Variants in MARCHF1 observed in about 807,000 individuals in gnomAD.
The protein encoded by MARCHF1 is membrane associated ring-CH-type finger 1, also known as E3 ubiquitin-protein ligase MARCHF1.
MARCHF1 carries 40 observed loss-of-function variants against 54.2 expected under a neutral mutation model. The ratio of observed to expected loss-of-function variants is 0.74; its 90% CI spans 0.57 to 0.96. The LOEUF (loss-of-function observed/expected upper bound fraction) is 0.96, where lower values mean the gene tolerates loss of function less well. Among genes scored for constraint, MARCHF1 ranks in the 40% least tolerant of loss-of-function variants. The pLI, the probability that MARCHF1 is intolerant of heterozygous loss-of-function variation, is 0.00. For synonymous variants in MARCHF1, 236 were observed against 236.3 expected, an observed-to-expected ratio of 1.00 and a Z score of 0.01; for missense variants, 586 against 656.5, an observed-to-expected ratio of 0.89 and a Z score of 1.17.
chr4:164,226,916 C>A (rs1256562357), intron 1 of MARCHF1, among the ~76,000 whole-genome samples: 1 of 151,978 alleles, frequency 6.6e-6, no homozygotes, highest in Non-Finnish European at 1.5e-5. Context: ...AATACCATGT[C>A]CCCCAATTAT....
chr4:164,197,110 C>T (rs779047424), intron 1 of MARCHF1: 2 of 1,606,368 alleles, frequency 1.2e-6, no homozygotes, highest in African/African-American at 2.7e-5. Flanking sequence ...CTCGTCCCCT[C>T]CACTCACGTC....
At chr4:163,662,453 C>G (rs910874764) in intron 5 of MARCHF1, among the ~76,000 whole-genome samples, 1 of 151,608 alleles carries the variant, frequency 6.6e-6, no homozygotes, top group Non-Finnish European at 1.5e-5. Context: ...CCTTTTTTCC[C>G]CCAAACTTCC....
At chr4:163,781,258 G>A (rs1747458994) in intron 4 of MARCHF1, among the ~76,000 whole-genome samples, 1 of 152,158 alleles carries the variant, frequency 6.6e-6, no homozygotes, top group Admixed American at 6.5e-5. Flanking sequence ...GGCTGAGGCA[G>A]GAGAATTGCT....
chr4:164,093,370 G>A (rs1343747845), intron 2 of MARCHF1, among the ~76,000 whole-genome samples: 1 of 152,052 alleles, frequency 6.6e-6, no homozygotes, highest in Non-Finnish European at 1.5e-5. Context: ...TTTATCATAC[G>A]AAGTAGAAAT....
intron 1 of MARCHF1, among the ~76,000 whole-genome samples, chr4:164,230,591 A>G (rs1224611290): frequency 2.0e-5 from 3 of 152,000 alleles, no homozygotes; most frequent in East Asian, 1.9e-4. Flanking sequence ...AATTATTATT[A>G]CCTATAATCT....
At chr4:164,057,921 A>G (rs559603155) in intron 2 of MARCHF1, among the ~76,000 whole-genome samples, 1 of 152,264 alleles carries the variant, frequency 6.6e-6, no homozygotes, top group East Asian at 1.9e-4. Flanking sequence ...GCACATATAC[A>G]CCATGGAATA....
At chr4:163,959,611 T>G (rs1484466282) in intron 3 of MARCHF1, among the ~76,000 whole-genome samples, 1 of 151,968 alleles carries the variant, frequency 6.6e-6, no homozygotes, top group African/African-American at 2.4e-5. Context: ...TGAGTAGCCA[T>G]GCACAGAAGA....
At chr4:163,606,795 T>C (rs1741158757) in intron 7 of MARCHF1, among the ~76,000 whole-genome samples, 1 of 152,062 alleles carries the variant, frequency 6.6e-6, no homozygotes, top group Admixed American at 6.6e-5. Context: ...GGGTTGCCGA[T>C]GGCTACATTT....
chr4:164,185,308 TG>T (rs1730938057), intron 1 of MARCHF1, among the ~76,000 whole-genome samples: 1 of 152,238 alleles, frequency 6.6e-6, no homozygotes, highest in Non-Finnish European at 1.5e-5. Context: ...ATAAGGCATC[TG>T]AGTGAATGGT....
intron 4 of MARCHF1, among the ~76,000 whole-genome samples, chr4:163,769,240 A>C (rs533406695): frequency 4.6e-5 from 7 of 152,286 alleles, no homozygotes; most frequent in African/African-American, 1.7e-4. Flanking sequence ...GAAATAATTT[A>C]CCAAACAGGG....
intron 3 of MARCHF1, among the ~76,000 whole-genome samples, chr4:163,975,964 T>G (rs980759070): frequency 6.6e-6 from 1 of 152,124 alleles, no homozygotes; most frequent in African/African-American, 2.4e-5. Context: ...TTGCCACCAG[T>G]TTGAGCACAA....
At chr4:163,993,842 G>A (rs919951092) in intron 2 of MARCHF1, among the ~76,000 whole-genome samples, 19 of 151,932 alleles carry the variant, frequency 1.3e-4, no homozygotes, top group African/African-American at 3.9e-4. Flanking sequence ...AGGTACAGGG[G>A]TATTAATAAT....
chr4:163,972,208 A>G (rs1004577612), intron 3 of MARCHF1, among the ~76,000 whole-genome samples: 3 of 151,952 alleles, frequency 2.0e-5, no homozygotes, highest in African/African-American at 7.2e-5. Context: ...GGGGGTGGGG[A>G]GCTAGGGGAG....
chr4:163,844,784 G>A (rs1158123731), intron 4 of MARCHF1, among the ~76,000 whole-genome samples: 1 of 152,080 alleles, frequency 6.6e-6, no homozygotes, highest in Non-Finnish European at 1.5e-5. Context: ...GTACAATGCC[G>A]AATACTAAAC....
chr4:164,220,407 TTA>T (rs765217805), intron 1 of MARCHF1, among the ~76,000 whole-genome samples: 2 of 146,882 alleles, frequency 1.4e-5, no homozygotes, highest in South Asian at 4.2e-4. Flanking sequence ...GAATTCCATT[TTA>T]TATATATATG....
At chr4:163,891,905 T>G (rs1264753328) in intron 3 of MARCHF1, among the ~76,000 whole-genome samples, 1 of 152,184 alleles carries the variant, frequency 6.6e-6, no homozygotes, top group African/African-American at 2.4e-5. Context: ...TGCTACAAGA[T>G]TATGTCTTGC....
At chr4:164,052,133 A>C (rs1458026450) in intron 2 of MARCHF1, among the ~76,000 whole-genome samples, 1 of 79,424 alleles carries the variant, frequency 1.3e-5, no homozygotes, top group Non-Finnish European at 3.4e-5. Flanking sequence ...CATCTTTTGG[A>C]AGTTTTTTTT....
rs151017415 is a variant in MARCHF1, at chr4:163,984,393, T to C, written c.-39+4108A>G. ...GTGGTCAGCTTGAGAGTGAGAAGGA[T>C]CAGAAGCAAATAACTCATGTTTTGT... On this transcript the variant is annotated intron_variant, in intron 3 of 9. Coordinates refer to ENST00000514618, the MANE Select transcript of MARCHF1 (RefSeq NM_001394959.1). Among the ~76,000 whole-genome samples the C allele has an allele frequency of 9.2e-4, 140 of 152,288 alleles. 1 individual carries two copies. In the East Asian group the frequency reaches 0.027, roughly 29 times the overall value.
intron 4 of MARCHF1, among the ~76,000 whole-genome samples, chr4:163,799,873 A>T (rs750083844): frequency 2.0e-5 from 3 of 152,092 alleles, no homozygotes; most frequent in Non-Finnish European, 4.4e-5. Context: ...TAGCAAAAAC[A>T]TGAAATCAAC....
Sources: gnomAD v4.1 joint callset for allele counts (sites outside exome capture counted in the v4.1 genomes callset) on GRCh38, gnomAD v4.1.1 for gene constraint, MANE v1.5 for transcripts, NCBI Gene and HGNC (gene_info 2026-07-23, HGNC 2026-07-21) for gene names.